NEBL: variants seen among roughly 807,000 people sequenced by gnomAD.
NEBL encodes LIM and SH3 protein 2.
NEBL carries 122 observed loss-of-function variants against 140.2 expected under a neutral mutation model. The observed-to-expected ratio is 0.87, with a 90% confidence interval of 0.75 to 1.01. The LOEUF is 1.01. Among genes scored for constraint, NEBL ranks in the 50% least tolerant of loss-of-function variants. NEBL has a pLI of 0.00. For synonymous variants in NEBL, 436 were observed against 398.9 expected (o/e 1.09, Z -1.11); for missense variants, 1,365 against 1,231.3 (o/e 1.11, Z -1.62).
At chr10:20,929,038 C>T (rs1235161705) in intron 4 of NEBL, among the ~76,000 whole-genome samples, 1 of 152,064 alleles carries the variant, frequency 6.6e-6, no homozygotes, top group African/African-American at 2.4e-5. Context: ...TCCTCTTCCA[C>T]CAGGCCTCTA....
intron 3 of NEBL, among the ~76,000 whole-genome samples, chr10:21,192,586 T>C (rs1393967130): frequency 6.6e-6 from 1 of 151,232 alleles, no homozygotes; most frequent in East Asian, 2.0e-4. Context: ...GGCTCACACC[T>C]GTAATCCCAG....
intron 24 of NEBL, 68 bp from the exon 25 acceptor site, chr10:20,809,966 AG>A (rs1837976468): frequency 8.9e-7 from 1 of 1,129,654 alleles, no homozygotes; most frequent in South Asian, 1.4e-5. Flanking sequence ...AAAAAAAAAA[AG>A]CCAGTACCCA....
chr10:21,179,892 C>T (rs140751319), upstream of NEBL, among the ~76,000 whole-genome samples: 1 of 152,250 alleles, frequency 6.6e-6, no homozygotes, highest in African/African-American at 2.4e-5. Context: ...AATTGCAGCA[C>T]TTTGGGAGGC....
At chr10:20,813,754 C>T (rs1451456219) in intron 23 of NEBL, 185 bp downstream of exon 23, 1 of 590,382 alleles carries the variant, frequency 1.7e-6, no homozygotes, top group Non-Finnish European at 3.1e-6. Flanking sequence ...TGAGAAAAAT[C>T]ATTTTATTAG....
chr10:20,949,457 G>A lies in NEBL; in HGVS notation c.357+12215C>T, dbSNP rs561531093. ...CTGCACATGTATCCCAGAACGTAAA[G>A]TAAAAAATAAAAAGAAATTCAAAAG... is the stretch of plus-strand genomic sequence containing the variant. On this transcript the variant is annotated intron_variant, in intron 4 of 6. Transcript: ENST00000417816. Among the ~76,000 whole-genome samples the A allele has an allele frequency of 3.9e-5, 6 of 152,228 alleles. No homozygotes were observed. In the East Asian group the frequency reaches 1.2e-3, roughly 29 times the overall value.
intron 11 of NEBL, among the ~76,000 whole-genome samples, chr10:20,848,855 A>T (rs1240920363): frequency 6.6e-6 from 1 of 152,228 alleles, no homozygotes; most frequent in Non-Finnish European, 1.5e-5. Context: ...TTGCTTGAAG[A>T]AGAAATTAAA....
At chr10:21,228,393 A>G (rs1291781231) in intron 3 of NEBL, among the ~76,000 whole-genome samples, 2 of 152,066 alleles carry the variant, frequency 1.3e-5, no homozygotes, top group African/African-American at 4.8e-5. Flanking sequence ...GCCTTAAACA[A>G]TCCTCTCGCC....
At chr10:20,842,794 C>T (rs1357354909) in intron 12 of NEBL, among the ~76,000 whole-genome samples, 1 of 152,018 alleles carries the variant, frequency 6.6e-6, no homozygotes, top group Non-Finnish European at 1.5e-5. Context: ...CTTCACCACA[C>T]TGTGCACTAG....
intron 1 of NEBL, among the ~76,000 whole-genome samples, chr10:21,257,300 G>A (rs1842671048): frequency 6.6e-6 from 1 of 152,138 alleles, no homozygotes. Flanking sequence ...TGCCACTTAC[G>A]AGCCTGTGTC....
At chr10:21,042,453 GT>G (rs1348100688) in intron 2 of NEBL, among the ~76,000 whole-genome samples, 1 of 152,228 alleles carries the variant, frequency 6.6e-6, no homozygotes. Context: ...TCAACTTACA[GT>G]TAAATCAATG....
At chr10:20,871,368 G>A (rs1272568630) in intron 5 of NEBL, among the ~76,000 whole-genome samples, 1 of 152,154 alleles carries the variant, frequency 6.6e-6, no homozygotes, top group African/African-American at 2.4e-5. Flanking sequence ...ATAAACCAGT[G>A]TTCTGGGTAA....
At chr10:20,932,297 T>C (rs554386227) in intron 4 of NEBL, among the ~76,000 whole-genome samples, 3 of 152,308 alleles carry the variant, frequency 2.0e-5, no homozygotes, top group African/African-American at 7.2e-5. Context: ...GAAGCCATCA[T>C]TCTCAGCAAA....
At chr10:21,169,480 G>A (rs1001182836) in intron 2 of NEBL, among the ~76,000 whole-genome samples, 6 of 152,108 alleles carry the variant, frequency 3.9e-5, no homozygotes, top group Admixed American at 3.9e-4. Context: ...ACGTGAATTA[G>A]AGCCAATGAG....
intron 3 of NEBL, among the ~76,000 whole-genome samples, chr10:20,972,618 G>T (rs901845380): frequency 6.6e-6 from 1 of 151,916 alleles, no homozygotes; most frequent in South Asian, 2.1e-4. Context: ...ATGGCAGTGC[G>T]CACCTGTAGT....
chr10:21,259,669 G>C (rs1218477225), intron 1 of NEBL, among the ~76,000 whole-genome samples: 1 of 152,152 alleles, frequency 6.6e-6, no homozygotes. Context: ...GTTTGGGGTG[G>C]ATTGGCCCCT....
intron 3 of NEBL, among the ~76,000 whole-genome samples, chr10:20,970,302 A>G (rs1461743964): frequency 6.6e-6 from 1 of 152,190 alleles, no homozygotes; most frequent in Non-Finnish European, 1.5e-5. Context: ...GGACTGTGCA[A>G]TCTGCATTTA....
At chr10:20,938,772 C>T (rs954589460) in intron 4 of NEBL, among the ~76,000 whole-genome samples, 3 of 152,146 alleles carry the variant, frequency 2.0e-5, no homozygotes. Context: ...AACCATCGCA[C>T]AACAACTACG....
At chr10:20,923,879 G>A (rs1195190714) in intron 4 of NEBL, among the ~76,000 whole-genome samples, 2 of 151,804 alleles carry the variant, frequency 1.3e-5, no homozygotes, top group Non-Finnish European at 2.9e-5. Flanking sequence ...AGGAATAAAA[G>A]GAGGGGAGAG....
At chr10:20,968,890 AG>A (rs969300559) in intron 3 of NEBL, among the ~76,000 whole-genome samples, 1 of 152,232 alleles carries the variant, frequency 6.6e-6, no homozygotes, top group African/African-American at 2.4e-5. Flanking sequence ...TGCAAAATTT[AG>A]TGCTCAATTA....
Sources: allele counts gnomAD v4.1 joint callset (sites outside exome capture counted in the v4.1 genomes callset), GRCh38; gene constraint gnomAD v4.1.1; transcripts MANE v1.5; gene names NCBI Gene and HGNC (gene_info 2026-07-23, HGNC 2026-07-21).